The following PARP11 variants were observed in gnomAD, a reference collection of about 807,000 sequenced individuals.
PARP11 encodes protein mono-ADP-ribosyltransferase PARP11.
Under a neutral mutation model 42.9 loss-of-function variants are expected in PARP11, and 31 were observed. That is an observed-to-expected ratio of 0.72 (90% confidence interval 0.54 to 0.98). The LOEUF (loss-of-function observed/expected upper bound fraction) is 0.98, where lower values mean the gene tolerates loss of function less well. Ranked by LOEUF, PARP11 falls within the 50% of genes least tolerant of loss-of-function variation. PARP11 has a pLI of 0.00. For synonymous variants in PARP11, 137 were observed against 127.3 expected (o/e 1.08, Z -0.51); for missense variants, 365 against 413.1 (o/e 0.88, Z 1.01).
At chr12:3,815,953 C>T (rs1022828197) in intron 6 of PARP11, among the ~76,000 whole-genome samples, 3 of 152,178 alleles carry the variant, frequency 2.0e-5, no homozygotes, top group African/African-American at 4.8e-5. Context: ...AAAACGCATA[C>T]GGTCTTTCTC....
intron 1 of PARP11, among the ~76,000 whole-genome samples, chr12:3,848,200 A>T (rs1404500625): frequency 6.6e-6 from 1 of 152,222 alleles, no homozygotes; most frequent in Non-Finnish European, 1.5e-5. Flanking sequence ...ATGAATTGAA[A>T]CAATTAATAT....
In PARP11 at chr12:3,873,275, C is replaced by T; in HGVS notation, c.-46G>A. 6.5e-7 allele frequency: 1 copy of T among 1,546,920 alleles called. No homozygotes were observed. The highest frequency in any genetic ancestry group is 8.7e-7 in the Non-Finnish European group (1 of 1,143,220). On this transcript the variant is annotated 5_prime_UTR_variant, in exon 1 of 8. Transcript: ENST00000228820. The stretch of plus-strand genomic sequence containing the variant: ...GAGAGAGCCTGTGGGAAGGGGCTAG[C>T]CGCGGGGCCTGGGTGTTGGATTTTT...
At chr12:3,873,066 A>T in intron 1 of PARP11, 146 bp downstream of exon 1, 1 of 807,538 alleles carries the variant, frequency 1.2e-6, no homozygotes. Context: ...TACAGACTAC[A>T]GAAGCCAAAA....
Position 3,840,646 on chromosome 12 carries a change from C to G in PARP11, c.19-10628G>C. 8.3e-7 allele frequency: 1 copy of G among 1,204,578 alleles called. No homozygotes were observed. The highest frequency in any genetic ancestry group is 1.2e-6 in the Non-Finnish European group (1 of 806,140). 74.6% of individuals were successfully genotyped at this position (1,204,578 alleles called of 1,614,324 possible). A position where few individuals can be genotyped will look rare whatever the true frequency, so the allele number is the denominator to read the frequency against. On this transcript the variant is annotated intron_variant, in intron 1 of 7. Coordinates refer to ENST00000228820, the MANE Select transcript of PARP11 (RefSeq NM_020367.6). The surrounding 1 kb of genome is among the most constrained non-coding windows in gnomAD (Gnocchi z 4.4). The stretch of plus-strand genomic sequence containing the variant: ...CTTCTCAGAGTAGCAATCCATGTGT[C>G]CAGAGAAAATCATCACACGTAAGTG...
chr12:3,819,840 T>G (rs1365678347), intron 6 of PARP11, among the ~76,000 whole-genome samples: 2 of 152,222 alleles, frequency 1.3e-5, no homozygotes, highest in Non-Finnish European at 2.9e-5. Flanking sequence ...CTGCATGCTC[T>G]GCCTCTTGAT....
intron 1 of PARP11, among the ~76,000 whole-genome samples, chr12:3,855,045 C>T (rs1352070706): frequency 6.6e-6 from 1 of 152,180 alleles, no homozygotes; most frequent in Non-Finnish European, 1.5e-5. Flanking sequence ...ATGATTATCT[C>T]AATAGATGCA....
At chr12:3,822,316 C>T (rs1308334520) in intron 4 of PARP11, among the ~76,000 whole-genome samples, 159 bp from the exon 5 acceptor site, 2 of 152,024 alleles carry the variant, frequency 1.3e-5, no homozygotes, top group African/African-American at 2.4e-5. Flanking sequence ...TATTGACTGT[C>T]GGCCGGGCGC....
At position 3,872,691 on chromosome 12, in the gene PARP11, A is replaced by T. The variant is rs117716956; in HGVS notation, c.18+521T>A. 550 of 985,358 alleles carry T rather than the reference A, an allele frequency of 5.6e-4. 13 individuals are homozygous for T. The East Asian group carries it at 0.031, about 55-fold the overall frequency. The allele number at this position is 985,358 out of a possible 1,614,324, so 61.0% of individuals were successfully genotyped here. ...GGCCCATTCAAGACAAGGGGGTCCC[A>T]ATTCCCTTGCTTTAGACTGGTGGGA... On this transcript the variant is annotated intron_variant, in intron 1 of 7. Coordinates refer to ENST00000228820, the MANE Select transcript of PARP11 (RefSeq NM_020367.6).
chr12:3,837,971 A>C (rs1355517795), intron 1 of PARP11, among the ~76,000 whole-genome samples: 1 of 151,598 alleles, frequency 6.6e-6, no homozygotes, highest in Non-Finnish European at 1.5e-5. Flanking sequence ...AATAGACTTA[A>C]AGTGAGGGGT....
intron 1 of PARP11, among the ~76,000 whole-genome samples, chr12:3,832,398 A>G (rs1328669289): frequency 6.6e-6 from 1 of 152,226 alleles, no homozygotes; most frequent in East Asian, 1.9e-4. Context: ...AGTACAGAGA[A>G]TATTAAAGCA....
At chr12:3,818,266 T>C (rs963306882) in intron 6 of PARP11, among the ~76,000 whole-genome samples, 1 of 152,224 alleles carries the variant, frequency 6.6e-6, no homozygotes, top group Non-Finnish European at 1.5e-5. Context: ...CTTCATTCGC[T>C]GTAGGTGACC....
chr12:3,855,981 A>G (rs1948182566), intron 1 of PARP11, among the ~76,000 whole-genome samples: 1 of 152,194 alleles, frequency 6.6e-6, no homozygotes, highest in Non-Finnish European at 1.5e-5. Flanking sequence ...AACACCACAC[A>G]TCTACAACCA....
At chr12:3,851,395 C>T (rs1159263322) in intron 1 of PARP11, among the ~76,000 whole-genome samples, 2 of 152,222 alleles carry the variant, frequency 1.3e-5, no homozygotes, top group Non-Finnish European at 2.9e-5. Flanking sequence ...AAAACTGGGA[C>T]ACTGCTACCC....
At chr12:3,841,613 T>C in intron 1 of PARP11, 1 of 1,613,456 alleles carries the variant, frequency 6.2e-7, no homozygotes, top group East Asian at 2.2e-5. Flanking sequence ...CAGGCTGATC[T>C]TGAATCTGAG....
At chr12:3,862,928 C>A (rs7956655) in intron 1 of PARP11, among the ~76,000 whole-genome samples, 74,076 of 152,000 alleles carry the variant, frequency 0.49, 21,299 homozygotes, top group African/African-American at 0.78. Context: ...GATTTCTTTT[C>A]CTGGGATTGC....
At chr12:3,860,480 G>A (rs1161554041) in intron 1 of PARP11, among the ~76,000 whole-genome samples, 1 of 152,184 alleles carries the variant, frequency 6.6e-6, no homozygotes, top group Non-Finnish European at 1.5e-5. Flanking sequence ...AACCCCATCA[G>A]AGGGTCCAGA....
chr12:3,836,899 A>G (rs1474605762), intron 1 of PARP11, among the ~76,000 whole-genome samples: 2 of 152,302 alleles, frequency 1.3e-5, no homozygotes, highest in South Asian at 2.1e-4. Flanking sequence ...CATGATTTCT[A>G]CACTGGAAAA....
Position 3,809,139 on chromosome 12 carries a change from TTCATTCTCCCCACCCAC to T in PARP11, c.*2967_*2983del, listed in dbSNP as rs1947123660. On this transcript the variant is annotated 3_prime_UTR_variant, in exon 8 of 8. Coordinates refer to ENST00000228820, the MANE Select transcript of PARP11 (RefSeq NM_020367.6). ...TATCATTATTCTAGGTTTATGTCTA[TTCATTCTCCCCACCCAC>T]TCTATGGGATGATAACAGGAAAAGA... The T allele has an allele frequency of 6.6e-6, 1 of 152,218 alleles. No individual in the cohort carries two copies. Among genetic ancestry groups the T allele is most frequent in the Non-Finnish European group, 1.5e-5 (1 of 68,048 alleles). 9.4% of individuals were successfully genotyped at this position (152,218 alleles called of 1,614,324 possible). A position where few individuals can be genotyped will look rare whatever the true frequency, so the allele number is the denominator to read the frequency against.
intron 1 of PARP11, among the ~76,000 whole-genome samples, chr12:3,854,297 G>A (rs935884930): frequency 3.9e-5 from 6 of 152,260 alleles, no homozygotes; most frequent in South Asian, 2.1e-4. Context: ...GAGCAGAACC[G>A]AAGGAGATAG....
Sources: allele counts gnomAD v4.1 joint callset (sites outside exome capture counted in the v4.1 genomes callset), GRCh38; gene constraint gnomAD v4.1.1; non-coding constraint Gnocchi (gnomAD v3.1); transcripts MANE v1.5; gene names NCBI Gene and HGNC (gene_info 2026-07-23, HGNC 2026-07-21).